ASPRV1: variants seen among roughly 807,000 people sequenced by gnomAD.
ASPRV1 encodes the protein retroviral-like aspartic protease 1.
A neutral mutation model predicts 11.0 loss-of-function variants in ASPRV1; 7 were observed. That is an observed-to-expected ratio of 0.64 (90% CI 0.36 to 1.20). The LOEUF (loss-of-function observed/expected upper bound fraction) is 1.20. Ranked by LOEUF, ASPRV1 falls within the 50% of genes most tolerant of loss-of-function variation. The pLI is 0.02. For synonymous variants in ASPRV1, 136 were observed against 138.4 expected, an observed-to-expected ratio of 0.98 and a Z score of 0.12; for missense variants, 299 against 320.0, an observed-to-expected ratio of 0.93 and a Z score of 0.50.
At chr2:70,036,368 G>A in the ASPRV1 span, among the ~76,000 whole-genome samples, 2 of 152,002 alleles carry the variant, frequency 1.3e-5, no homozygotes, top group African/African-American at 4.8e-5. Context: ...AATGAAATTA[G>A]AGAAACCAGT....
the ASPRV1 span, among the ~76,000 whole-genome samples, chr2:70,014,937 A>C: frequency 6.6e-6 from 1 of 152,190 alleles, no homozygotes; most frequent in Non-Finnish European, 1.5e-5. Context: ...ACTCAACAAC[A>C]AAGGGCAAAT....
chr2:69,935,408 C>T, the ASPRV1 span: 77 of 1,614,068 alleles, frequency 4.8e-5, no homozygotes, highest in African/African-American at 7.1e-4. Flanking sequence ...CACTTGGACC[C>T]GAATCAAGTC....
chr2:70,046,006 G>A, the ASPRV1 span: 1 of 152,296 alleles, frequency 6.6e-6, no homozygotes, highest in Admixed American at 6.5e-5. Flanking sequence ...CTTTTCCCCT[G>A]CAAGCACAGC....
chr2:69,946,543 C>T, the ASPRV1 span, among the ~76,000 whole-genome samples: 1 of 152,202 alleles, frequency 6.6e-6, no homozygotes, highest in Non-Finnish European at 1.5e-5. Context: ...GCATTCAGTA[C>T]ATATGAGCAA....
Position 69,960,367 on chromosome 2 carries a change from C to T in ASPRV1, c.*290G>A, listed in dbSNP as rs1678038716. On this transcript the variant is annotated 3_prime_UTR_variant, in exon 1 of 1. Coordinates refer to ENST00000320256, the MANE Select transcript of ASPRV1 (RefSeq NM_152792.4). The stretch of plus-strand genomic sequence containing the variant: ...TTTCAAAGACAAGCATTTCTAGCTT[C>T]CTTGGGAGCTCTTCCAGCCTTTGAG... 2 of 376,256 alleles carry T rather than the reference C, an allele frequency of 5.3e-6. No homozygotes were observed. The highest frequency in any genetic ancestry group is 4.0e-5 in the African/African-American group (2 of 49,856). The allele number at this position is 376,256 out of a possible 1,614,324, so 23.3% of individuals were successfully genotyped here.
chr2:70,032,817 C>T, the ASPRV1 span, among the ~76,000 whole-genome samples: 1 of 152,106 alleles, frequency 6.6e-6, no homozygotes, highest in Non-Finnish European at 1.5e-5. Flanking sequence ...AACTAGCATC[C>T]TCAGGTTCTG....
chr2:70,077,967 G>C, the ASPRV1 span, among the ~76,000 whole-genome samples: 4 of 152,012 alleles, frequency 2.6e-5, no homozygotes, highest in Admixed American at 1.3e-4. Context: ...AGGAGTTTGA[G>C]ACCAGCCTGA....
At chr2:70,034,250 C>T in the ASPRV1 span, among the ~76,000 whole-genome samples, 1 of 149,678 alleles carries the variant, frequency 6.7e-6, no homozygotes, top group South Asian at 2.1e-4. Flanking sequence ...GACGGAGTTT[C>T]GCTCTTGTTG....
At chr2:70,081,523 T>C in the ASPRV1 span, 1 of 151,868 alleles carries the variant, frequency 6.6e-6, no homozygotes, top group African/African-American at 2.4e-5. Context: ...TCAACAGATA[T>C]ATTTCCAACT....
chr2:70,002,225 A>G, the ASPRV1 span, among the ~76,000 whole-genome samples: 34,730 of 152,036 alleles, frequency 0.23, 7,020 homozygotes, highest in African/African-American at 0.51. Context: ...GTCCAGAGCT[A>G]CCCTGTGGCT....
At chr2:70,082,032 C>T in the ASPRV1 span, among the ~76,000 whole-genome samples, 1 of 152,108 alleles carries the variant, frequency 6.6e-6, no homozygotes, top group East Asian at 1.9e-4. Context: ...GGCTGGAGTA[C>T]AGTGGCACCA....
chr2:70,001,759 T>G, the ASPRV1 span, among the ~76,000 whole-genome samples: 1 of 152,034 alleles, frequency 6.6e-6, no homozygotes, highest in Non-Finnish European at 1.5e-5. Flanking sequence ...AAACTCCATC[T>G]CATAAAAAGA....
At chr2:69,952,034 A>G in the ASPRV1 span, among the ~76,000 whole-genome samples, 12 of 152,328 alleles carry the variant, frequency 7.9e-5, no homozygotes, top group East Asian at 2.3e-3. Flanking sequence ...ACCTAAATTC[A>G]TTTTAATAAA....
At chr2:70,065,451 T>C in the ASPRV1 span, among the ~76,000 whole-genome samples, 2 of 137,188 alleles carry the variant, frequency 1.5e-5, no homozygotes, top group Non-Finnish European at 3.2e-5. Flanking sequence ...GAGAAGACTA[T>C]AAACAAATAT....
chr2:70,001,974 G>GA, the ASPRV1 span, among the ~76,000 whole-genome samples: 155 of 152,280 alleles, frequency 1.0e-3, 1 homozygote, highest in Middle Eastern at 0.01. Context: ...TCATAGAACA[G>GA]ACGTACAGTA....
At chr2:70,040,436 G>A in the ASPRV1 span, among the ~76,000 whole-genome samples, 1 of 152,032 alleles carries the variant, frequency 6.6e-6, no homozygotes, top group Non-Finnish European at 1.5e-5. Flanking sequence ...TGTCACCCAG[G>A]CCGGAGTGCA....
chr2:70,041,219 C>G, the ASPRV1 span, among the ~76,000 whole-genome samples: 1 of 152,214 alleles, frequency 6.6e-6, no homozygotes, highest in African/African-American at 2.4e-5. Context: ...AATAAAGACA[C>G]ATACATGAGG....
At chr2:69,975,081 T>C in the ASPRV1 span, among the ~76,000 whole-genome samples, 4 of 152,006 alleles carry the variant, frequency 2.6e-5, no homozygotes, top group Non-Finnish European at 5.9e-5. Context: ...CAGGCTAAGG[T>C]TGGATTCTCA....
At chr2:69,978,070 G>C in the ASPRV1 span, among the ~76,000 whole-genome samples, 1 of 152,180 alleles carries the variant, frequency 6.6e-6, no homozygotes, top group African/African-American at 2.4e-5. Context: ...GGCCCTATGG[G>C]CTTCCTTTGC....
Sources: gnomAD v4.1 joint callset for allele counts (sites outside exome capture counted in the v4.1 genomes callset) on GRCh38, gnomAD v4.1.1 for gene constraint, MANE v1.5 for transcripts, NCBI Gene and HGNC (gene_info 2026-07-23, HGNC 2026-07-21) for gene names.